Variants in SLIT3 observed in about 807,000 individuals in gnomAD.
The protein encoded by SLIT3 is slit guidance ligand 3.
A neutral mutation model predicts 184.0 loss-of-function variants in SLIT3; 68 were observed. The ratio of observed to expected loss-of-function variants is 0.37; its 90% CI spans 0.30 to 0.45. The LOEUF (loss-of-function observed/expected upper bound fraction) is 0.45. Ranked by LOEUF, SLIT3 falls within the 20% of genes least tolerant of loss-of-function variation. The pLI is 1.00. For synonymous variants in SLIT3, 831 were observed against 828.6 expected (o/e 1.00, Z -0.05); for missense variants, 1,707 against 2,026.0 (o/e 0.84, Z 3.02).
chr5:168,796,721 G>A (rs1401466516), intron 9 of SLIT3, among the ~76,000 whole-genome samples: 1 of 152,166 alleles, frequency 6.6e-6, no homozygotes, highest in South Asian at 2.1e-4. Context: ...GCTGTAGAGT[G>A]GGGGAGACAG....
chr5:169,293,732 T>A (rs1002805339), intron 1 of SLIT3, among the ~76,000 whole-genome samples: 5 of 152,188 alleles, frequency 3.3e-5, no homozygotes, highest in African/African-American at 1.2e-4. Flanking sequence ...GTCCACGCAG[T>A]ACAGAAGGCT....
At chr5:169,136,555 G>A (rs936558426) in intron 4 of SLIT3, among the ~76,000 whole-genome samples, 9 of 152,186 alleles carry the variant, frequency 5.9e-5, no homozygotes, top group African/African-American at 2.2e-4. Flanking sequence ...CCCGTCGTGG[G>A]TCAGTCTGGA....
At position 168,669,890 on chromosome 5, in the gene SLIT3, T is replaced by A. The variant is rs201079525; in HGVS notation, c.4229A>T (p.Asn1410Ile). The A allele has an allele frequency of 6.2e-7, 1 of 1,614,088 alleles. No homozygotes were observed. Among genetic ancestry groups the A allele is most frequent in the Non-Finnish European group, 8.5e-7 (1 of 1,180,034 alleles). The change falls in exon 35 of 36, where the codon AAT becomes ATT. Residue 1410 changes from asparagine (N) to isoleucine (I), a missense_variant. By Grantham distance (149) the Asn-to-Ile change is moderately radical (BLOSUM62 -3). Coordinates refer to ENST00000519560, the MANE Select transcript of SLIT3 (RefSeq NM_003062.4). ...DLCDNKNDSA[N>I]ACSAFKCHHG... ...GTGACACTTGAAGGCTGAGCAGGCA[T>A]TGGCAGAGTCATTCTTGTTGTCACA...
intron 4 of SLIT3, among the ~76,000 whole-genome samples, chr5:168,940,589 A>G (rs1056013867): frequency 2.6e-5 from 4 of 152,176 alleles, no homozygotes; most frequent in Non-Finnish European, 1.5e-5. Flanking sequence ...AATACCAACC[A>G]TTGTATTATG....
intron 3 of SLIT3, among the ~76,000 whole-genome samples, chr5:169,220,335 T>C (rs1764580158): frequency 6.6e-6 from 1 of 150,780 alleles, no homozygotes; most frequent in Non-Finnish European, 1.5e-5. Flanking sequence ...AAAAAAAAGC[T>C]TAAATTTTTA....
intron 5 of SLIT3, among the ~76,000 whole-genome samples, chr5:168,869,249 T>C (rs1202840078): frequency 6.6e-6 from 1 of 152,214 alleles, no homozygotes; most frequent in East Asian, 1.9e-4. Context: ...ACTTCTCTAA[T>C]CTGTGGCAGC....
intron 31 of SLIT3, 120 bp from the exon 32 acceptor site, chr5:168,684,216 T>C (rs1230564861): frequency 3.7e-6 from 4 of 1,068,330 alleles, no homozygotes; most frequent in East Asian, 2.7e-5. Context: ...TCTAAATTCA[T>C]GTCCATCTTT....
intron 3 of SLIT3, among the ~76,000 whole-genome samples, chr5:169,212,082 A>T (rs952047236): frequency 6.6e-6 from 1 of 152,212 alleles, no homozygotes; most frequent in African/African-American, 2.4e-5. Context: ...CAATAAACAT[A>T]CATGTGCATG....
At position 168,806,942 on chromosome 5, in the gene SLIT3, T is replaced by G. The variant is rs1756986750; in HGVS notation, c.794-355A>C. Reference sequence around the variant, plus strand: ...ACTTTCCCAGGATGCATCCTGGGGTTTTAGCTGGTATTGGACGCTGAGTGT... The same window carrying G: ...ACTTTCCCAGGATGCATCCTGGGGTGTTAGCTGGTATTGGACGCTGAGTGT... On this transcript the variant is annotated intron_variant, in intron 8 of 35. Transcript: ENST00000519560. Among the ~76,000 whole-genome samples the G allele has an allele frequency of 2.6e-5, 4 of 152,128 alleles. No homozygotes were observed. In the South Asian group the frequency reaches 8.3e-4, roughly 32 times the overall value.
At chr5:169,102,222 C>T (rs1760045589) in intron 4 of SLIT3, among the ~76,000 whole-genome samples, 1 of 152,156 alleles carries the variant, frequency 6.6e-6, no homozygotes, top group Non-Finnish European at 1.5e-5. Flanking sequence ...CTGGGGACAT[C>T]CCCTGCCTGA....
chr5:169,295,017 G>A (rs1171156041), intron 1 of SLIT3, among the ~76,000 whole-genome samples: 1 of 152,250 alleles, frequency 6.6e-6, no homozygotes, highest in African/African-American at 2.4e-5. Flanking sequence ...CTCTGGGTGA[G>A]TCAGTGAGTG....
At chr5:168,815,753 C>T (rs72827660) in intron 8 of SLIT3, among the ~76,000 whole-genome samples, 18,047 of 152,220 alleles carry the variant, frequency 0.12, 1,176 homozygotes, top group African/African-American at 0.17. Flanking sequence ...TCTTGTATAT[C>T]GCAAGTGTGA....
At chr5:168,857,956 G>A (rs569411741) in intron 5 of SLIT3, among the ~76,000 whole-genome samples, 5 of 152,166 alleles carry the variant, frequency 3.3e-5, no homozygotes, top group South Asian at 4.1e-4. Context: ...ACAAGGTGTC[G>A]GGCCACCGGG....
chr5:168,671,074 A>G, intron 34 of SLIT3, 124 bp downstream of exon 34: 2 of 1,090,854 alleles, frequency 1.8e-6, no homozygotes, highest in Non-Finnish European at 2.6e-6. Flanking sequence ...ACACTTACAC[A>G]GATCCTATCT....
intron 4 of SLIT3, among the ~76,000 whole-genome samples, chr5:169,185,432 G>T (rs1763299931): frequency 6.6e-6 from 1 of 152,176 alleles, no homozygotes; most frequent in African/African-American, 2.4e-5. Context: ...CCAGCTTCAG[G>T]CAGGGGGGCA....
intron 4 of SLIT3, among the ~76,000 whole-genome samples, chr5:168,963,275 A>G (rs1835954): frequency 0.023 from 3,521 of 152,248 alleles, 149 homozygotes; most frequent in African/African-American, 0.08. Context: ...GGGTTCAAGC[A>G]ATTCTCCTGC....
At chr5:168,756,758 G>A (rs146936384) in intron 16 of SLIT3, among the ~76,000 whole-genome samples, 301 of 152,312 alleles carry the variant, frequency 2.0e-3, no homozygotes, top group African/African-American at 6.8e-3. Context: ...CAGAAGAGAA[G>A]GCTTTTGCTC....
intron 4 of SLIT3, among the ~76,000 whole-genome samples, chr5:168,946,941 C>CT (rs146793752): frequency 6.6e-6 from 1 of 152,084 alleles, no homozygotes; most frequent in South Asian, 2.1e-4. Context: ...TTAGCTCAGT[C>CT]TTTTTTTCAA....
intron 4 of SLIT3, among the ~76,000 whole-genome samples, chr5:168,901,362 T>TCAAAA (rs142953631): frequency 0.045 from 6,684 of 148,796 alleles, 378 homozygotes; most frequent in African/African-American, 0.13. Context: ...AGACTCCGTC[T>TCAAAA]CAAAACAAAA....
Sources: gnomAD v4.1 joint callset for allele counts (sites outside exome capture counted in the v4.1 genomes callset) on GRCh38, gnomAD v4.1.1 for gene constraint, MANE v1.5 for transcripts, NCBI Gene and HGNC (gene_info 2026-07-23, HGNC 2026-07-21) for gene names.